PARP8: variants seen among roughly 807,000 people sequenced by gnomAD.
PARP8 encodes poly(ADP-ribose) polymerase family member 8.
In PARP8, 51 loss-of-function variants were observed where a neutral mutation model predicts 124.1. The observed-to-expected ratio is 0.41, with a 90% CI of 0.33 to 0.52. The LOEUF is 0.52. Among genes scored for constraint, PARP8 ranks in the 20% least tolerant of loss-of-function variants. The pLI, the probability that PARP8 is intolerant of heterozygous loss-of-function variation, is 0.21. For synonymous variants in PARP8, 391 were observed against 361.5 expected (o/e 1.08, Z -0.93); for missense variants, 860 against 1,018.9 (o/e 0.84, Z 2.12).
intron 25 of PARP8, among the ~76,000 whole-genome samples, chr5:50,841,155 T>C (rs1748136479): frequency 6.6e-6 from 1 of 151,894 alleles, no homozygotes; most frequent in African/African-American, 2.4e-5. Flanking sequence ...ATTACCACTT[T>C]TCTAAAGCTT....
At chr5:50,679,960 C>G (rs13158037) in intron 2 of PARP8, among the ~76,000 whole-genome samples, 21,070 of 152,098 alleles carry the variant, frequency 0.14, 1,535 homozygotes, top group East Asian at 0.19. Flanking sequence ...CTAAGGAAAT[C>G]TCTCTTTGTC....
At chr5:50,677,314 CAAAA>C (rs35154231) in intron 2 of PARP8, among the ~76,000 whole-genome samples, 8 of 128,956 alleles carry the variant, frequency 6.2e-5, no homozygotes, top group Admixed American at 7.7e-5. Context: ...AGATATGCAG[CAAAA>C]AAAAAAAAAA....
chr5:50,690,547 A>T (rs764393043), intron 2 of PARP8, among the ~76,000 whole-genome samples: 16 of 151,820 alleles, frequency 1.1e-4, no homozygotes, highest in Admixed American at 2.6e-4. Context: ...AACCCTATTA[A>T]CTTCCTCTCA....
At chr5:50,754,304 GTA>G (rs1759659533) in intron 3 of PARP8, among the ~76,000 whole-genome samples, 1 of 151,096 alleles carries the variant, frequency 6.6e-6, no homozygotes, top group East Asian at 1.9e-4. Flanking sequence ...TTTACATTAG[GTA>G]TATCTCCTAA....
chr5:50,810,441 T>C (rs1159476521), intron 14 of PARP8, among the ~76,000 whole-genome samples: 3 of 152,080 alleles, frequency 2.0e-5, no homozygotes, highest in Admixed American at 6.6e-5. Flanking sequence ...GCGTTTTGAA[T>C]TGATGCTAGC....
At chr5:50,774,739 C>T (rs1370437655) in intron 7 of PARP8, among the ~76,000 whole-genome samples, 4 of 137,528 alleles carry the variant, frequency 2.9e-5, no homozygotes, top group East Asian at 2.3e-4. Context: ...TCCTCATTTC[C>T]GGGGCAGAGG....
intron 25 of PARP8, among the ~76,000 whole-genome samples, chr5:50,841,163 C>T (rs1748137136): frequency 6.6e-6 from 1 of 151,858 alleles, no homozygotes; most frequent in African/African-American, 2.4e-5. Flanking sequence ...TTTTCTAAAG[C>T]TTCTGTCTTG....
chr5:50,750,830 T>A (rs1003277277), intron 3 of PARP8, among the ~76,000 whole-genome samples: 3 of 152,164 alleles, frequency 2.0e-5, no homozygotes, highest in Non-Finnish European at 4.4e-5. Context: ...ATGAAGTTAT[T>A]CATTAAGGCT....
chr5:50,816,848 T>TA (rs1419110360), intron 15 of PARP8, among the ~76,000 whole-genome samples: 2 of 152,136 alleles, frequency 1.3e-5, no homozygotes, highest in Non-Finnish European at 2.9e-5. Flanking sequence ...CCTTCTTTTT[T>TA]AAATGTGAAA....
intron 14 of PARP8, among the ~76,000 whole-genome samples, chr5:50,814,110 T>C (rs1175909554): frequency 6.6e-6 from 1 of 152,140 alleles, no homozygotes; most frequent in Non-Finnish European, 1.5e-5. Context: ...GATTCTTGTT[T>C]ATGTACTGTT....
At chr5:50,787,323 T>A (rs1262645758) in intron 9 of PARP8, among the ~76,000 whole-genome samples, 1 of 152,152 alleles carries the variant, frequency 6.6e-6, no homozygotes, top group Non-Finnish European at 1.5e-5. Flanking sequence ...TGCTCTCATC[T>A]CCTGACATGA....
At chr5:50,834,257 A>G (rs1055479361) in intron 24 of PARP8, among the ~76,000 whole-genome samples, 4 of 152,192 alleles carry the variant, frequency 2.6e-5, no homozygotes. Flanking sequence ...TCAGAGAGTG[A>G]TATATTTTAT....
At chr5:50,814,960 A>T (rs1452299834) in intron 14 of PARP8, among the ~76,000 whole-genome samples, 11 of 152,222 alleles carry the variant, frequency 7.2e-5, no homozygotes, top group African/African-American at 2.6e-4. Flanking sequence ...TAGCAAGTAA[A>T]CAGAATCATG....
At chr5:50,789,486 T>C (rs1438672429) in intron 10 of PARP8, among the ~76,000 whole-genome samples, 1 of 152,154 alleles carries the variant, frequency 6.6e-6, no homozygotes, top group Non-Finnish European at 1.5e-5. Context: ...AAGAAAATAA[T>C]GATGCCATCC....
chr5:50,679,959 T>A (rs996368098), intron 2 of PARP8, among the ~76,000 whole-genome samples: 3 of 152,072 alleles, frequency 2.0e-5, no homozygotes, highest in African/African-American at 7.2e-5. Flanking sequence ...CCTAAGGAAA[T>A]CTCTCTTTGT....
rs144894976 is a variant in PARP8, at chr5:50,689,383, T to G, written c.146+21258T>G. Among the ~76,000 whole-genome samples the G allele has an allele frequency of 3.8e-3, 579 of 152,344 alleles. 5 individuals carry two copies. Among genetic ancestry groups the G allele is most frequent in the Admixed American group, 0.012 (185 of 15,298 alleles). ...TTATTTCTTATTCTTATTCTCTGTATCCATCTTCAGCTGGTTGAGGCCTCT... is the reference window on the plus strand; with the variant it reads ...TTATTTCTTATTCTTATTCTCTGTAGCCATCTTCAGCTGGTTGAGGCCTCT... On this transcript the variant is annotated intron_variant, in intron 2 of 25. Transcript: ENST00000281631.
intron 3 of PARP8, among the ~76,000 whole-genome samples, chr5:50,754,803 G>A (rs1395492900): frequency 5.3e-5 from 8 of 152,186 alleles, no homozygotes; most frequent in African/African-American, 1.7e-4. Flanking sequence ...CCCACCAACA[G>A]TGTAAAAGTG....
intron 1 of PARP8, 99 bp downstream of exon 1, chr5:50,667,285 C>A: frequency 7.9e-7 from 1 of 1,270,540 alleles, no homozygotes; most frequent in Non-Finnish European, 1.1e-6. Flanking sequence ...GGTTGCACGT[C>A]CCCATTCTGG....
Position 50,736,010 on chromosome 5 carries a change from GT to G in PARP8, c.147-14137del, listed in dbSNP as rs1202253499. 8.6e-5 allele frequency among the ~76,000 whole-genome samples: 12 copies of G among 139,276 alleles called. 1 individual carries two copies. The highest frequency in any genetic ancestry group is 3.3e-4 in the African/African-American group (12 of 36,094). 91.4% of individuals were successfully genotyped at this position (139,276 alleles called of 152,430 possible). On this transcript the variant is annotated intron_variant, in intron 2 of 25. Coordinates refer to ENST00000281631, the MANE Select transcript of PARP8 (RefSeq NM_024615.4). ...TTCTCATTTGAAGGATGGAATTTAT[GT>G]TTTGAATTAAATCTAGTGGTGTCCC...
Sources: gnomAD v4.1 joint callset for allele counts (sites outside exome capture counted in the v4.1 genomes callset) on GRCh38, gnomAD v4.1.1 for gene constraint, MANE v1.5 for transcripts, NCBI Gene and HGNC (gene_info 2026-07-23, HGNC 2026-07-21) for gene names.